Variants in PDGFC observed in about 807,000 individuals in gnomAD.
PDGFC encodes the protein platelet derived growth factor C.
Under a neutral mutation model 35.5 loss-of-function variants are expected in PDGFC, and 12 were observed. The ratio of observed to expected loss-of-function variants is 0.34; its 90% confidence interval spans 0.22 to 0.55. The LOEUF is 0.55. Among genes scored for constraint, PDGFC ranks in the 20% least tolerant of loss-of-function variants. PDGFC has a pLI of 0.91. For missense variants in PDGFC, 322 were observed against 412.4 expected (o/e 0.78, Z 1.90); for synonymous variants, 159 against 148.8 (o/e 1.07, Z -0.50).
At chr4:156,824,229 CCTT>C (rs549282958) in intron 2 of PDGFC, among the ~76,000 whole-genome samples, 17 of 145,606 alleles carry the variant, frequency 1.2e-4, no homozygotes, top group South Asian at 2.2e-4. Flanking sequence ...GGCTTTTTGC[CCTT>C]CTTATCTGTG....
In PDGFC at chr4:156,810,849, G is replaced by T; in HGVS notation, c.483C>A (p.Asn161Lys). ...AAGTGGTACTTACTGGCATGACAAT[G>T]TTGTAGTGGATGCAGAACCCTGGTT... ...PSEPGFCIHY[N>K]IVMPQFTEAV... The change falls in exon 3 of 6, where the codon AAC becomes AAA. Residue 161 changes from asparagine to lysine, a missense_variant. Physicochemically the swap from Asn to Lys is moderately conservative, Grantham distance 94. Around this residue, in one of 2 missense-constraint regions of PDGFC, gnomAD observed 202 missense variants for 295.9 expected, o/e 0.68. Transcript: ENST00000502773. 6.3e-7 allele frequency: 1 copy of T among 1,596,620 alleles called. No individual in the cohort carries two copies. The highest frequency in any genetic ancestry group is 8.6e-7 in the Non-Finnish European group (1 of 1,166,148).
intron 1 of PDGFC, among the ~76,000 whole-genome samples, chr4:156,969,729 G>A (rs915978698): frequency 6.6e-6 from 1 of 152,150 alleles, no homozygotes; most frequent in Non-Finnish European, 1.5e-5. Flanking sequence ...CAGAATCCTT[G>A]CATTCTGAAT....
chr4:156,934,635 G>A (rs1731633013), intron 1 of PDGFC, among the ~76,000 whole-genome samples: 1 of 152,000 alleles, frequency 6.6e-6, no homozygotes, highest in African/African-American at 2.4e-5. Context: ...TTTTTAACTT[G>A]ACTCTTTTGC....
At chr4:156,784,616 A>T (rs1021141937) in intron 3 of PDGFC, among the ~76,000 whole-genome samples, 9 of 152,210 alleles carry the variant, frequency 5.9e-5, no homozygotes, top group African/African-American at 2.2e-4. Flanking sequence ...TATGAGAAGA[A>T]AGATTAGAAA....
At chr4:156,782,403 C>T (rs942068147) in intron 3 of PDGFC, among the ~76,000 whole-genome samples, 15 of 152,212 alleles carry the variant, frequency 9.9e-5, no homozygotes, top group African/African-American at 3.1e-4. Flanking sequence ...TTACAGTGTA[C>T]GGTGTTACAT....
At chr4:156,920,794 C>G (rs1346506658) in intron 1 of PDGFC, among the ~76,000 whole-genome samples, 1 of 152,122 alleles carries the variant, frequency 6.6e-6, no homozygotes, top group East Asian at 1.9e-4. Flanking sequence ...CCTTTTTCTA[C>G]TTTTCTGTTG....
intron 1 of PDGFC, among the ~76,000 whole-genome samples, chr4:156,966,564 C>T (rs779149162): frequency 6.6e-6 from 1 of 151,100 alleles, no homozygotes; most frequent in Admixed American, 6.6e-5. Flanking sequence ...ATAGATAAAA[C>T]TTAGAACCTT....
chr4:156,799,490 A>G (rs1367251960), intron 3 of PDGFC, among the ~76,000 whole-genome samples: 2 of 152,218 alleles, frequency 1.3e-5, no homozygotes, highest in Non-Finnish European at 2.9e-5. Flanking sequence ...CACAGATTGC[A>G]TAATTTCAAA....
chr4:156,904,825 T>C, intron 1 of PDGFC, among the ~76,000 whole-genome samples: 1 of 152,142 alleles, frequency 6.6e-6, no homozygotes, highest in East Asian at 1.9e-4. Flanking sequence ...TACACTTAAA[T>C]GTTTACTGAT....
chr4:156,890,598 C>T (rs1326079906), intron 1 of PDGFC, among the ~76,000 whole-genome samples: 6 of 152,132 alleles, frequency 3.9e-5, no homozygotes, highest in Non-Finnish European at 5.9e-5. Flanking sequence ...CCCAGGCTAC[C>T]GGGGTTCATG....
At chr4:156,765,850 G>C (rs1353405919) in intron 5 of PDGFC, among the ~76,000 whole-genome samples, 10 of 152,044 alleles carry the variant, frequency 6.6e-5, no homozygotes, top group Non-Finnish European at 1.2e-4. Flanking sequence ...AGATGAGTGA[G>C]AGAGCAGCTA....
intron 1 of PDGFC, among the ~76,000 whole-genome samples, chr4:156,921,577 T>A (rs1033181109): frequency 6.6e-6 from 1 of 151,906 alleles, no homozygotes; most frequent in Non-Finnish European, 1.5e-5. Context: ...GCTGGGTGGG[T>A]TTTTTTCCCC....
chr4:156,892,274 G>A (rs1399065041), intron 1 of PDGFC, among the ~76,000 whole-genome samples: 4 of 152,132 alleles, frequency 2.6e-5, no homozygotes, highest in African/African-American at 4.8e-5. Flanking sequence ...TCTTCAGTAG[G>A]TTATACATTA....
intron 2 of PDGFC, among the ~76,000 whole-genome samples, chr4:156,829,912 A>C (rs1249669832): frequency 1.3e-5 from 2 of 152,266 alleles, no homozygotes; most frequent in African/African-American, 4.8e-5. Flanking sequence ...AACAAAAATA[A>C]AAATTAAGTA....
chr4:156,792,137 A>G (rs1049395024), intron 3 of PDGFC, among the ~76,000 whole-genome samples: 2 of 152,210 alleles, frequency 1.3e-5, no homozygotes, highest in Non-Finnish European at 2.9e-5. Context: ...TGACCAGTGA[A>G]CTGAAATTCT....
chr4:156,819,403 G>A (rs974344130), intron 2 of PDGFC, among the ~76,000 whole-genome samples: 2 of 152,166 alleles, frequency 1.3e-5, no homozygotes, highest in Non-Finnish European at 2.9e-5. Context: ...TGCATCTGGT[G>A]ACTTTACGTT....
chr4:156,763,981 A>T (rs1370122333), intron 5 of PDGFC, among the ~76,000 whole-genome samples: 2 of 152,240 alleles, frequency 1.3e-5, no homozygotes, highest in African/African-American at 2.4e-5. Flanking sequence ...TGTGTATTCT[A>T]TAAAATATTA....
intron 2 of PDGFC, among the ~76,000 whole-genome samples, chr4:156,824,393 T>C (rs10049800): frequency 2.4e-4 from 32 of 132,170 alleles, no homozygotes; most frequent in African/African-American, 1.2e-3. Context: ...TACACACACA[T>C]ATATATACAC....
At chr4:156,893,825 G>T (rs537432430) in intron 1 of PDGFC, among the ~76,000 whole-genome samples, 8 of 152,044 alleles carry the variant, frequency 5.3e-5, no homozygotes, top group Non-Finnish European at 1.0e-4. Flanking sequence ...TAGAAAATAC[G>T]AATTTTATAG....
Sources: gnomAD v4.1 joint callset for allele counts (sites outside exome capture counted in the v4.1 genomes callset) on GRCh38, gnomAD v4.1.1 for gene constraint, gnomAD v4.1.1 regional missense constraint, MANE v1.5 for transcripts, NCBI Gene and HGNC (gene_info 2026-07-23, HGNC 2026-07-21) for gene names.